The following DNM3 variants were observed in gnomAD, a reference collection of about 807,000 sequenced individuals.
The protein encoded by DNM3 is dynamin-3.
A neutral mutation model predicts 101.6 loss-of-function variants in DNM3; 47 were observed. The ratio of observed to expected loss-of-function variants is 0.46; its 90% CI spans 0.37 to 0.59. DNM3 has a LOEUF of 0.59. Among genes scored for constraint, DNM3 ranks in the 20% least tolerant of loss-of-function variants. The probability of loss-of-function intolerance (pLI) is 0.00; values close to 1 mark genes in which losing one functional copy is unlikely to be tolerated. For missense variants in DNM3, 849 were observed against 1,085.7 expected (o/e 0.78, Z 3.06); for synonymous variants, 385 against 387.9 (o/e 0.99, Z 0.09).
At chr1:171,955,177 A>G (rs1571814156) in intron 2 of DNM3, among the ~76,000 whole-genome samples, 2 of 152,204 alleles carry the variant, frequency 1.3e-5, no homozygotes, top group East Asian at 1.9e-4. Flanking sequence ...CCTTAGCCAT[A>G]GAATAGTTGC....
intron 17 of DNM3, among the ~76,000 whole-genome samples, chr1:172,346,547 C>T (rs528133191): frequency 1.5e-4 from 23 of 152,182 alleles, no homozygotes; most frequent in Non-Finnish European, 2.6e-4. Flanking sequence ...GTAGGACTGA[C>T]GACTAAGATA....
chr1:172,413,795 A>C (rs2071333399), downstream of DNM3, among the ~76,000 whole-genome samples: 1 of 152,184 alleles, frequency 6.6e-6, no homozygotes, highest in African/African-American at 2.4e-5. Flanking sequence ...TGTTGTGTGA[A>C]TTTACTCTTT....
chr1:172,296,925 C>G (rs751723776), intron 15 of DNM3, among the ~76,000 whole-genome samples: 3 of 152,108 alleles, frequency 2.0e-5, no homozygotes, highest in Non-Finnish European at 4.4e-5. Flanking sequence ...GACTGATCAC[C>G]TGAGGTCAGG....
At chr1:172,209,834 A>G (rs1391178044) in intron 14 of DNM3, among the ~76,000 whole-genome samples, 1 of 152,126 alleles carries the variant, frequency 6.6e-6, no homozygotes, top group Non-Finnish European at 1.5e-5. Context: ...TAAATAGCTA[A>G]GTAGATTTGT....
At chr1:172,173,129 G>A (rs980761082) in intron 14 of DNM3, among the ~76,000 whole-genome samples, 3 of 151,728 alleles carry the variant, frequency 2.0e-5, no homozygotes, top group African/African-American at 7.3e-5. Context: ...TTGGAGAAAG[G>A]GAAAACATTT....
At chr1:171,901,706 G>A (rs2038371354) in intron 1 of DNM3, among the ~76,000 whole-genome samples, 1 of 152,146 alleles carries the variant, frequency 6.6e-6, no homozygotes, top group Admixed American at 6.5e-5. Context: ...GCAATAATTG[G>A]TATTTCAAAT....
At chr1:171,879,800 T>C (rs1186774815) in intron 1 of DNM3, among the ~76,000 whole-genome samples, 1 of 152,206 alleles carries the variant, frequency 6.6e-6, no homozygotes, top group Non-Finnish European at 1.5e-5. Flanking sequence ...ATATTCTACT[T>C]TAGCTGTGAT....
intron 14 of DNM3, among the ~76,000 whole-genome samples, chr1:172,151,758 T>A (rs1486291381): frequency 6.6e-6 from 1 of 152,162 alleles, no homozygotes; most frequent in African/African-American, 2.4e-5. Context: ...GAGTTCAACT[T>A]GCATCCATAG....
At chr1:172,358,856 G>A (rs373604426) in intron 17 of DNM3, among the ~76,000 whole-genome samples, 3 of 150,922 alleles carry the variant, frequency 2.0e-5, no homozygotes, top group African/African-American at 4.9e-5. Context: ...ACTCCTTTCC[G>A]GGTCTCCCTT....
chr1:172,135,438 G>A (rs1363214243), intron 14 of DNM3, among the ~76,000 whole-genome samples: 2 of 152,094 alleles, frequency 1.3e-5, no homozygotes, highest in Non-Finnish European at 2.9e-5. Flanking sequence ...AAGGTAGATT[G>A]TCTTAAATTG....
rs536689617 is a variant in DNM3, at chr1:172,311,473, T to A, written c.1881+2634T>A. On this transcript the variant is annotated intron_variant, in intron 16 of 20. Coordinates refer to ENST00000627582, the MANE Select transcript of DNM3 (RefSeq NM_015569.5). Reference sequence around the variant, plus strand: ...AAAAATAATGCTTAGCCAGGCACGGTGGCACACACCTGTGATCCCAGCTAC... The same window carrying A: ...AAAAATAATGCTTAGCCAGGCACGGAGGCACACACCTGTGATCCCAGCTAC... Among the ~76,000 whole-genome samples the A allele has an allele frequency of 9.8e-5, 15 of 152,294 alleles. No individual in the cohort carries two copies. In the South Asian group the frequency reaches 3.1e-3, roughly 32 times the overall value.
At chr1:171,931,802 T>G (rs1207554137) in intron 2 of DNM3, among the ~76,000 whole-genome samples, 1 of 152,224 alleles carries the variant, frequency 6.6e-6, no homozygotes, top group Non-Finnish European at 1.5e-5. Flanking sequence ...CCTCTCCCAT[T>G]ACTTTTTTTA....
intron 14 of DNM3, among the ~76,000 whole-genome samples, chr1:172,233,476 T>C (rs372888117): frequency 7.2e-5 from 11 of 152,312 alleles, no homozygotes; most frequent in East Asian, 3.9e-4. Context: ...GAGGAACTGA[T>C]ACCATTCCTT....
chr1:172,383,458 C>T (rs763711335), intron 18 of DNM3, among the ~76,000 whole-genome samples: 44 of 151,976 alleles, frequency 2.9e-4, no homozygotes, highest in Non-Finnish European at 5.4e-4. Flanking sequence ...TAACCAAGCC[C>T]CCTCCCCAAA....
chr1:172,118,852 T>G (rs2056106965), intron 13 of DNM3, among the ~76,000 whole-genome samples: 1 of 152,142 alleles, frequency 6.6e-6, no homozygotes, highest in African/African-American at 2.4e-5. Context: ...GAAGCTCCTC[T>G]CTGAGTCCCT....
At chr1:172,277,958 A>AT (rs1353639384) in intron 15 of DNM3, among the ~76,000 whole-genome samples, 1 of 152,160 alleles carries the variant, frequency 6.6e-6, no homozygotes, top group South Asian at 2.1e-4. Context: ...TTATGACTGC[A>AT]TAAAAAATTA....
At chr1:172,062,208 T>C (rs1261574676) in intron 10 of DNM3, among the ~76,000 whole-genome samples, 2 of 152,212 alleles carry the variant, frequency 1.3e-5, no homozygotes, top group Non-Finnish European at 2.9e-5. Context: ...CTCATTAATA[T>C]GTCTACCAGA....
intron 15 of DNM3, among the ~76,000 whole-genome samples, chr1:172,257,000 T>C (rs2062430730): frequency 6.6e-6 from 1 of 151,948 alleles, no homozygotes; most frequent in Admixed American, 6.6e-5. Flanking sequence ...CTTAATTGTA[T>C]TGTGACCAAA....
intron 14 of DNM3, among the ~76,000 whole-genome samples, chr1:172,162,912 C>G (rs970118289): frequency 6.6e-6 from 1 of 152,002 alleles, no homozygotes; most frequent in Non-Finnish European, 1.5e-5. Flanking sequence ...TTTAAATATT[C>G]CTTTAATACA....
Sources: allele counts gnomAD v4.1 joint callset (sites outside exome capture counted in the v4.1 genomes callset), GRCh38; gene constraint gnomAD v4.1.1; transcripts MANE v1.5; gene names NCBI Gene and HGNC (gene_info 2026-07-23, HGNC 2026-07-21).